The following SRPK2 variants were observed in gnomAD, a reference collection of about 807,000 sequenced individuals.
SRPK2 encodes SRSF protein kinase 2.
Under a neutral mutation model 90.8 loss-of-function variants are expected in SRPK2, and 21 were observed. The ratio of observed to expected loss-of-function variants is 0.23; its 90% CI spans 0.16 to 0.33. The LOEUF (loss-of-function observed/expected upper bound fraction) is 0.33, where lower values mean the gene tolerates loss of function less well. SRPK2 is among the 10% of genes least tolerant of loss of function. The probability of loss-of-function intolerance (pLI) is 1.00; values close to 1 mark genes in which losing one functional copy is unlikely to be tolerated. For missense variants in SRPK2, 620 were observed against 869.0 expected, an observed-to-expected ratio of 0.71 and a Z score of 3.60; for synonymous variants, 288 against 311.1, an observed-to-expected ratio of 0.93 and a Z score of 0.78.
intron 7 of SRPK2, among the ~76,000 whole-genome samples, chr7:105,149,668 C>A (rs1161342888): frequency 1.3e-5 from 2 of 152,082 alleles, no homozygotes; most frequent in African/African-American, 2.4e-5. Context: ...CTCCTTCAAT[C>A]CAACACTGAA....
At chr7:105,248,153 G>A (rs371933068) in intron 2 of SRPK2, among the ~76,000 whole-genome samples, 2 of 151,924 alleles carry the variant, frequency 1.3e-5, no homozygotes, top group Non-Finnish European at 2.9e-5. Context: ...GCGCCCAGTC[G>A]GCCTTAACAA....
chr7:105,260,829 A>G (rs553435964), intron 2 of SRPK2, among the ~76,000 whole-genome samples: 12 of 151,360 alleles, frequency 7.9e-5, no homozygotes, highest in Admixed American at 2.0e-4. Flanking sequence ...TGGGAGTTTA[A>G]TAATGAGAAC....
chr7:105,224,955 C>G lies in SRPK2; in HGVS notation c.72-21170G>C, dbSNP rs929941110. ...TAAAAAAGACGTTAAAATATTAAAT[C>G]GAAAACTTCCCTTTCCTTACTGAGC... is the stretch of plus-strand genomic sequence containing the variant. On this transcript the variant is annotated intron_variant, in intron 2 of 15. Coordinates refer to ENST00000393651, the MANE Select transcript of SRPK2 (RefSeq NM_182692.3). Among the ~76,000 whole-genome samples the G allele has an allele frequency of 2.0e-5, 3 of 152,124 alleles. No homozygotes were observed. In the South Asian group the frequency reaches 6.2e-4, roughly 32 times the overall value.
chr7:105,215,061 C>A (rs919712334), intron 2 of SRPK2, among the ~76,000 whole-genome samples: 2 of 152,188 alleles, frequency 1.3e-5, no homozygotes, highest in Non-Finnish European at 2.9e-5. Context: ...TGATTTCCAA[C>A]TGATTGCCAA....
intron 9 of SRPK2, among the ~76,000 whole-genome samples, chr7:105,144,998 C>T (rs140734516): frequency 2.0e-5 from 3 of 151,072 alleles, no homozygotes; most frequent in Non-Finnish European, 4.4e-5. Context: ...CCCAGCTACT[C>T]GGGAGGCTGA....
intron 2 of SRPK2, among the ~76,000 whole-genome samples, chr7:105,253,504 A>C (rs1802773895): frequency 6.6e-6 from 1 of 151,934 alleles, no homozygotes. Flanking sequence ...CCTCTCATCT[A>C]TTTTCCCATC....
At chr7:105,379,745 G>A (rs892949301) in intron 2 of SRPK2, among the ~76,000 whole-genome samples, 40 of 152,082 alleles carry the variant, frequency 2.6e-4, no homozygotes, top group African/African-American at 6.8e-4. Context: ...TTGGGAAGCC[G>A]AGGCGGGCAG....
chr7:105,377,098 T>C (rs1360565290), intron 2 of SRPK2, among the ~76,000 whole-genome samples: 1 of 152,104 alleles, frequency 6.6e-6, no homozygotes, highest in Non-Finnish European at 1.5e-5. Context: ...TTAAGGCTCA[T>C]CTCACTTGAA....
At chr7:105,298,893 C>T in intron 2 of SRPK2, 1 of 585,112 alleles carries the variant, frequency 1.7e-6, no homozygotes, top group African/African-American at 2.0e-5. Flanking sequence ...ACGCCTCATA[C>T]TCTGTTCAGC....
intron 2 of SRPK2, among the ~76,000 whole-genome samples, chr7:105,231,573 A>T (rs1799427879): frequency 6.6e-6 from 1 of 152,174 alleles, no homozygotes. Flanking sequence ...TCTCGCCAGC[A>T]TCTGTTATTT....
At chr7:105,398,061 AGGGAAG>A (rs1822379783) in intron 1 of SRPK2, among the ~76,000 whole-genome samples, 1 of 152,218 alleles carries the variant, frequency 6.6e-6, no homozygotes, top group Non-Finnish European at 1.5e-5. Context: ...TAATTAATAA[AGGGAAG>A]TATTAAATAT....
intron 3 of SRPK2, among the ~76,000 whole-genome samples, chr7:105,169,751 TTTTAA>T (rs1356863720): frequency 1.2e-4 from 19 of 152,188 alleles, no homozygotes; most frequent in African/African-American, 2.2e-4. Context: ...AGACTTCTTG[TTTTAA>T]TTTAATTTAA....
intron 2 of SRPK2, among the ~76,000 whole-genome samples, chr7:105,206,727 A>G (rs1796275578): frequency 6.6e-6 from 1 of 152,196 alleles, no homozygotes; most frequent in African/African-American, 2.4e-5. Context: ...TATAAAATAC[A>G]TGTTAGATTG....
intron 2 of SRPK2, among the ~76,000 whole-genome samples, chr7:105,303,073 C>CAA (rs926789697): frequency 1.3e-5 from 2 of 149,150 alleles, no homozygotes; most frequent in East Asian, 3.9e-4. Context: ...GACTCCGTCT[C>CAA]AAAAAAAAAG....
In SRPK2 at chr7:105,116,788, C is replaced by CAACACGTAAAGCCACACGTAAAG. The variant is rs1799671051; in HGVS notation, c.*1049_*1050insCTTTACGTGTGGCTTTACGTGTT. ...TTTGTTGTAGCCACACGTAAAGCTACCTATGGAATGAATGTGATCACTGTT... is the reference window on the plus strand; with the variant it reads ...TTTGTTGTAGCCACACGTAAAGCTACAACACGTAAAGCCACACGTAAAGCTATGGAATGAATGTGATCACTGTT... On this transcript the variant is annotated 3_prime_UTR_variant, in exon 16 of 16. Transcript: ENST00000393651. 2 of 152,296 alleles carry CAACACGTAAAGCCACACGTAAAG rather than the reference C, an allele frequency of 1.3e-5. No homozygotes were observed. The highest frequency in any genetic ancestry group is 4.1e-4 in the South Asian group (2 of 4,836). The allele number at this position is 152,296 out of a possible 1,614,324, so 9.4% of individuals were successfully genotyped here. A position where few individuals can be genotyped will look rare whatever the true frequency, so the allele number is the denominator to read the frequency against.
At chr7:105,362,318 C>T (rs1229465010) in intron 2 of SRPK2, among the ~76,000 whole-genome samples, 1 of 151,916 alleles carries the variant, frequency 6.6e-6, no homozygotes, top group Non-Finnish European at 1.5e-5. Context: ...ATTAAAAAGT[C>T]AGGAAATGGC....
At chr7:105,135,230 A>G (rs1177928621) in intron 11 of SRPK2, among the ~76,000 whole-genome samples, 2 of 152,234 alleles carry the variant, frequency 1.3e-5, no homozygotes, top group Non-Finnish European at 2.9e-5. Flanking sequence ...AGACTGGCAA[A>G]TGACTTAAAC....
intron 2 of SRPK2, among the ~76,000 whole-genome samples, chr7:105,278,726 G>C (rs1806859511): frequency 6.6e-6 from 1 of 150,794 alleles, no homozygotes; most frequent in African/African-American, 2.4e-5. Flanking sequence ...AAAGGGGAAA[G>C]GGGGAAAAGG....
chr7:105,180,681 C>G (rs1269608128), intron 3 of SRPK2, among the ~76,000 whole-genome samples: 12 of 152,170 alleles, frequency 7.9e-5, no homozygotes, highest in Admixed American at 7.9e-4. Flanking sequence ...TCACTTTAAC[C>G]CGGGAGATGA....
Sources: gnomAD v4.1 joint callset for allele counts (sites outside exome capture counted in the v4.1 genomes callset) on GRCh38, gnomAD v4.1.1 for gene constraint, MANE v1.5 for transcripts, NCBI Gene and HGNC (gene_info 2026-07-23, HGNC 2026-07-21) for gene names.